The following TP63 variants were observed in gnomAD, a reference collection of about 807,000 sequenced individuals.
TP63 encodes the protein tumor protein 63.
TP63 carries 17 observed loss-of-function variants against 82.8 expected under a neutral mutation model. That is an observed-to-expected ratio of 0.21 (90% CI 0.14 to 0.31). The LOEUF (loss-of-function observed/expected upper bound fraction) is 0.31, where lower values mean the gene tolerates loss of function less well. Ranked by LOEUF, TP63 falls within the 10% of genes least tolerant of loss-of-function variation. TP63 has a pLI of 1.00. For synonymous variants in TP63, 330 were observed against 321.7 expected (o/e 1.03, Z -0.28); for missense variants, 648 against 895.3 (o/e 0.72, Z 3.52).
chr3:189,783,976 A>G (rs911560643), intron 3 of TP63, among the ~76,000 whole-genome samples: 2 of 151,992 alleles, frequency 1.3e-5, no homozygotes, highest in African/African-American at 2.4e-5. Flanking sequence ...TATAATGATA[A>G]CTAAAAAAAA....
At chr3:189,657,851 G>A (rs1258022089) in intron 1 of TP63, among the ~76,000 whole-genome samples, 3 of 151,962 alleles carry the variant, frequency 2.0e-5, no homozygotes, top group African/African-American at 7.2e-5. Context: ...TGATGGCCTC[G>A]GAGGAGTGAT....
In TP63 at chr3:189,843,259, G is replaced by A. The variant is rs536615724; in HGVS notation, c.580-20973G>A. ...TGCTTTGTGGCACGGTCTAAGTGTCGCCCCACTCCCACCACCTGCCAGGCC... is the reference window on the plus strand; with the variant it reads ...TGCTTTGTGGCACGGTCTAAGTGTCACCCCACTCCCACCACCTGCCAGGCC... On this transcript the variant is annotated intron_variant, in intron 4 of 13. Transcript: ENST00000264731. 9.0e-4 allele frequency among the ~76,000 whole-genome samples: 136 copies of A among 151,842 alleles called. 1 individual carries two copies. Among genetic ancestry groups the A allele is most frequent in the Admixed American group, 2.7e-3 (42 of 15,288 alleles).
intron 3 of TP63, among the ~76,000 whole-genome samples, chr3:189,765,635 G>A (rs13086840): frequency 0.77 from 116,019 of 150,956 alleles, 46,267 homozygotes; most frequent in Non-Finnish European, 0.87. Context: ...GGGTTTCACC[G>A]TTTTAGCCAG....
the TP63 span, among the ~76,000 whole-genome samples, chr3:189,601,441 C>T: frequency 6.6e-6 from 1 of 152,110 alleles, no homozygotes; most frequent in African/African-American, 2.4e-5. Flanking sequence ...TACTGTACAT[C>T]ATCCTGAACC....
intron 1 of TP63, among the ~76,000 whole-genome samples, chr3:189,670,482 A>T (rs960615816): frequency 2.0e-5 from 3 of 152,110 alleles, no homozygotes; most frequent in Non-Finnish European, 4.4e-5. Flanking sequence ...ATAAATTATA[A>T]ATCAATACAA....
chr3:189,764,945 T>A (rs1175995968), intron 3 of TP63, among the ~76,000 whole-genome samples: 1 of 152,202 alleles, frequency 6.6e-6, no homozygotes, highest in Non-Finnish European at 1.5e-5. Flanking sequence ...TAGAACTAGA[T>A]GGCTTATAAA....
At chr3:189,864,627 T>C (rs927385284) in intron 5 of TP63, among the ~76,000 whole-genome samples, 1 of 151,280 alleles carries the variant, frequency 6.6e-6, no homozygotes, top group Non-Finnish European at 1.5e-5. Flanking sequence ...GTTGAACTAT[T>C]TAATATTAGT....
chr3:189,641,579 TA>T (rs1403926064), intron 1 of TP63, among the ~76,000 whole-genome samples: 1 of 152,124 alleles, frequency 6.6e-6, no homozygotes, highest in Non-Finnish European at 1.5e-5. Flanking sequence ...TATTCATTAA[TA>T]AATAATCTAA....
rs1271173174 is a variant in TP63, at chr3:189,894,212, G to A, written c.1753G>A (p.Ala585Thr). The change falls in exon 14 of 14, where the codon GCA (alanine) becomes ACA (threonine). Residue 585 changes from alanine to threonine, a missense_variant. Ala to Thr is a moderately conservative substitution (Grantham distance 58). Transcript: ENST00000264731. ...ACCTTCCCCTGTTGCACAGGATCTG[G>A]CAAGTCTGAAAATCCCTGAGCAATT... is the stretch of plus-strand genomic sequence containing the variant. ...QIEHYSMDDL[A>T]SLKIPEQFRH... The A allele has an allele frequency of 1.9e-6, 3 of 1,614,002 alleles. No individual in the cohort carries two copies. The highest frequency in any genetic ancestry group is 1.1e-5 in the South Asian group (1 of 91,066).
chr3:189,811,659 A>G (rs964523724), intron 4 of TP63, among the ~76,000 whole-genome samples: 1 of 152,196 alleles, frequency 6.6e-6, no homozygotes, highest in Admixed American at 6.5e-5. Context: ...ATTTTTTCAT[A>G]TATTTATCTT....
intron 3 of TP63, 97 bp downstream of exon 3, chr3:189,738,871 C>A: frequency 6.5e-7 from 1 of 1,542,350 alleles, no homozygotes; most frequent in Non-Finnish European, 8.8e-7. Flanking sequence ...GCAGGTGGCT[C>A]TGAATGGCCA....
intron 1 of TP63, among the ~76,000 whole-genome samples, chr3:189,733,067 T>C (rs1420107889): frequency 1.3e-5 from 2 of 152,162 alleles, no homozygotes; most frequent in Non-Finnish European, 2.9e-5. Flanking sequence ...TTGAGGAGTC[T>C]GGAGGCTTGT....
chr3:189,839,678 C>T (rs1001189077), intron 4 of TP63, among the ~76,000 whole-genome samples: 1 of 152,206 alleles, frequency 6.6e-6, no homozygotes, highest in Non-Finnish European at 1.5e-5. Context: ...AACAACAGCT[C>T]AGCTAAATAG....
At chr3:189,613,553 G>A in the TP63 span, among the ~76,000 whole-genome samples, 1,904 of 152,298 alleles carry the variant, frequency 0.013, 44 homozygotes, top group African/African-American at 0.043. Context: ...CCCCCACACA[G>A]AGTCCCTACT....
At chr3:189,856,026 G>C (rs1033087712) in intron 4 of TP63, among the ~76,000 whole-genome samples, 1 of 151,776 alleles carries the variant, frequency 6.6e-6, no homozygotes, top group East Asian at 1.9e-4. Flanking sequence ...AATACAATGG[G>C]CTGGCATAAT....
At chr3:189,853,693 A>G (rs1715933886) in intron 4 of TP63, among the ~76,000 whole-genome samples, 1 of 152,192 alleles carries the variant, frequency 6.6e-6, no homozygotes, top group Admixed American at 6.5e-5. Context: ...AGCACTTATC[A>G]CTATCTGACA....
chr3:189,737,269 A>G (rs1384678803), intron 1 of TP63, among the ~76,000 whole-genome samples: 7 of 152,146 alleles, frequency 4.6e-5, no homozygotes, highest in Admixed American at 4.6e-4. Context: ...AATCTGAGGA[A>G]AAAATTTAAA....
chr3:189,886,978 G>GCGGGAGGATCACTTGAGGT (rs1280515263), intron 11 of TP63, among the ~76,000 whole-genome samples: 4 of 152,120 alleles, frequency 2.6e-5, no homozygotes, highest in African/African-American at 4.8e-5. Context: ...GGAGGCCGAG[G>GCGGGAGGATCACTTGAGGT]CGGGAGGATC....
chr3:189,690,462 T>G (rs755046262), intron 1 of TP63, among the ~76,000 whole-genome samples: 1 of 152,218 alleles, frequency 6.6e-6, no homozygotes, highest in Non-Finnish European at 1.5e-5. Flanking sequence ...TCTTTCTTTC[T>G]AGCTCTAAAA....
Sources: gnomAD v4.1 joint callset for allele counts (sites outside exome capture counted in the v4.1 genomes callset) on GRCh38, gnomAD v4.1.1 for gene constraint, MANE v1.5 for transcripts, NCBI Gene and HGNC (gene_info 2026-07-23, HGNC 2026-07-21) for gene names.